PIK3C2G: variants seen among roughly 807,000 people sequenced by gnomAD.
The protein encoded by PIK3C2G is phosphatidylinositol 3-kinase C2 domain-containing subunit gamma.
Under a neutral mutation model 181.1 loss-of-function variants are expected in PIK3C2G, and 168 were observed. That is an observed-to-expected ratio of 0.93 (90% CI 0.82 to 1.05). The LOEUF is 1.05. Among genes scored for constraint, PIK3C2G ranks in the 50% least tolerant of loss-of-function variants. The probability of loss-of-function intolerance (pLI) is 0.00; values close to 1 mark genes in which losing one functional copy is unlikely to be tolerated. For missense variants in PIK3C2G, 1,869 were observed against 1,732.8 expected (o/e 1.08, Z -1.40); for synonymous variants, 573 against 592.2 (o/e 0.97, Z 0.47).
At chr12:18,433,522 T>C (rs1430863998) in intron 18 of PIK3C2G, among the ~76,000 whole-genome samples, 3 of 152,096 alleles carry the variant, frequency 2.0e-5, no homozygotes, top group African/African-American at 7.2e-5. Flanking sequence ...CTAGACTCCA[T>C]CTCGAAAAAA....
downstream of PIK3C2G, chr12:18,648,464 C>T (rs1950271810): frequency 1.1e-5 from 2 of 187,428 alleles, no homozygotes; most frequent in East Asian, 1.8e-4. Flanking sequence ...ATTATATATA[C>T]TTATACCTAC....
chr12:18,323,108 G>T (rs546909655), intron 7 of PIK3C2G, among the ~76,000 whole-genome samples: 53 of 152,140 alleles, frequency 3.5e-4, no homozygotes, highest in Non-Finnish European at 6.0e-4. Flanking sequence ...AGTGAGAGAA[G>T]GAGGCTTTCA....
At chr12:18,327,934 T>C (rs766965609) in intron 8 of PIK3C2G, among the ~76,000 whole-genome samples, 65 of 151,868 alleles carry the variant, frequency 4.3e-4, no homozygotes, top group Non-Finnish European at 9.0e-4. Flanking sequence ...AGCAAAGCAG[T>C]ATAAAACTAA....
chr12:18,591,553 A>G (rs1008584528), intron 29 of PIK3C2G, among the ~76,000 whole-genome samples: 2 of 151,870 alleles, frequency 1.3e-5, no homozygotes, highest in Non-Finnish European at 2.9e-5. Flanking sequence ...GTGAGAGACC[A>G]TGACACATTT....
In PIK3C2G at chr12:18,563,486, T is replaced by C. The variant is rs765553261; in HGVS notation, c.3890T>C (p.Leu1297Pro). 2 of 1,613,820 alleles carry C rather than the reference T, an allele frequency of 1.2e-6. No homozygotes were observed. Among genetic ancestry groups the C allele is most frequent in the Admixed American group, 1.7e-5 (1 of 60,020 alleles). The change falls in exon 28 of 33, where the codon CTG becomes CCG. Residue 1297 changes from leucine to proline, a missense_variant. Leu to Pro is a moderately conservative substitution (Grantham distance 98, BLOSUM62 -3). Coordinates refer to ENST00000538779, the MANE Select transcript of PIK3C2G (RefSeq NM_001288772.2). ...HSQLQKQFAS[L>P]TLPEFPHWWH... is the part of the protein sequence containing the mutation. Reference sequence around the variant, plus strand: ...CAACTTCAGAAGCAGTTTGCATCACTGACTCTCCCAGAGTAAGGCACTGTC... The same window carrying C: ...CAACTTCAGAAGCAGTTTGCATCACCGACTCTCCCAGAGTAAGGCACTGTC...
intron 21 of PIK3C2G, among the ~76,000 whole-genome samples, chr12:18,496,722 G>A (rs1031618313): frequency 1.3e-5 from 2 of 152,180 alleles, no homozygotes; most frequent in East Asian, 1.9e-4. Flanking sequence ...GAATATGCCC[G>A]TCTTCCAGTT....
chr12:18,248,105 C>T (rs1442283874), intron 1 of PIK3C2G: 1 of 152,050 alleles, frequency 6.6e-6, no homozygotes, highest in Non-Finnish European at 1.5e-5. Context: ...GAAAGAAAAA[C>T]CAATTTCTGG....
intron 30 of PIK3C2G, among the ~76,000 whole-genome samples, chr12:18,596,789 T>C (rs1236514280): frequency 1.3e-5 from 2 of 152,094 alleles, no homozygotes; most frequent in African/African-American, 4.8e-5. Flanking sequence ...TAGTTAATGG[T>C]CTAGCTACTC....
chr12:18,263,770 C>A (rs1445841719), intron 1 of PIK3C2G, among the ~76,000 whole-genome samples: 1 of 152,064 alleles, frequency 6.6e-6, no homozygotes, highest in Admixed American at 6.5e-5. Context: ...AAATTTTAAG[C>A]AATACTTATC....
intron 5 of PIK3C2G, among the ~76,000 whole-genome samples, chr12:18,304,505 C>A (rs1166155671): frequency 6.6e-6 from 1 of 152,194 alleles, no homozygotes; most frequent in Non-Finnish European, 1.5e-5. Flanking sequence ...GATCAACCCG[C>A]CCCGGCCTCC....
rs552632750 is a variant in PIK3C2G, at chr12:18,426,427, G to A, written c.2504+2388G>A. On this transcript the variant is annotated intron_variant, in intron 18 of 32. Coordinates refer to ENST00000538779, the MANE Select transcript of PIK3C2G (RefSeq NM_001288772.2). Reference sequence around the variant, plus strand: ...GGTTCCAATCCTGTTTTCAAAAAACGATTTATCCTATTATCACCTACACTT... The same window carrying A: ...GGTTCCAATCCTGTTTTCAAAAAACAATTTATCCTATTATCACCTACACTT... Among the ~76,000 whole-genome samples the A allele has an allele frequency of 1.4e-4, 22 of 152,108 alleles. No homozygotes were observed. The South Asian group carries it at 3.9e-3, about 27-fold the overall frequency.
At chr12:18,694,557 A>G in the PIK3C2G span, among the ~76,000 whole-genome samples, 5 of 152,164 alleles carry the variant, frequency 3.3e-5, no homozygotes, top group Non-Finnish European at 7.4e-5. Context: ...AAATTCATCA[A>G]AGGCGAGAAA....
chr12:18,348,218 T>C (rs1285270735), intron 11 of PIK3C2G, among the ~76,000 whole-genome samples: 1 of 151,902 alleles, frequency 6.6e-6, no homozygotes. Context: ...TATATATAAA[T>C]ATATACATAT....
Position 18,566,112 on chromosome 12 carries a change from A to G in PIK3C2G, c.3903-837A>G, listed in dbSNP as rs149181568. Among the ~76,000 whole-genome samples the G allele has an allele frequency of 4.3e-3, 648 of 152,326 alleles. 5 individuals are homozygous for G. Among genetic ancestry groups the G allele is most frequent in the African/African-American group, 0.015 (625 of 41,578 alleles). ...TCATTGTTAAAATATACAAGCATAG[A>G]GTTTTGGACTTTCCTGACATTTCCA... On this transcript the variant is annotated intron_variant, in intron 28 of 32. Coordinates refer to ENST00000538779, the MANE Select transcript of PIK3C2G (RefSeq NM_001288772.2).
At chr12:18,562,263 C>T (rs994548010) in intron 26 of PIK3C2G, among the ~76,000 whole-genome samples, 1 of 152,152 alleles carries the variant, frequency 6.6e-6, no homozygotes, top group South Asian at 2.1e-4. Flanking sequence ...TCCCGAGTAG[C>T]TGGGACTACA....
chr12:18,430,158 T>C (rs1484584143), intron 18 of PIK3C2G, among the ~76,000 whole-genome samples: 1 of 152,206 alleles, frequency 6.6e-6, no homozygotes, highest in African/African-American at 2.4e-5. Flanking sequence ...AATAAGTATT[T>C]CTTATGGAAG....
At chr12:18,723,433 T>C in the PIK3C2G span, 1 of 1,613,108 alleles carries the variant, frequency 6.2e-7, no homozygotes, top group East Asian at 2.2e-5. Context: ...TTTCCGGTTT[T>C]CAGAATATGT....
chr12:18,396,336 C>T (rs1943891390), intron 15 of PIK3C2G, among the ~76,000 whole-genome samples: 1 of 151,374 alleles, frequency 6.6e-6, no homozygotes. Flanking sequence ...TAAAAACTCA[C>T]AAAACTAGAC....
the PIK3C2G span, among the ~76,000 whole-genome samples, chr12:18,678,995 A>G: frequency 2.1e-3 from 314 of 152,132 alleles, 3 homozygotes; most frequent in African/African-American, 7.3e-3. Context: ...CCACCTCAAC[A>G]TTTGGTGTGG....
Sources: allele counts gnomAD v4.1 joint callset (sites outside exome capture counted in the v4.1 genomes callset), GRCh38; gene constraint gnomAD v4.1.1; transcripts MANE v1.5; gene names NCBI Gene and HGNC (gene_info 2026-07-23, HGNC 2026-07-21).